TRPM6: variants seen among roughly 807,000 people sequenced by gnomAD.
TRPM6 encodes channel kinase 2.
TRPM6 carries 111 observed loss-of-function variants against 247.6 expected under a neutral mutation model. The observed-to-expected ratio is 0.45, with a 90% CI of 0.38 to 0.52. The LOEUF (loss-of-function observed/expected upper bound fraction) is 0.52. Among genes scored for constraint, TRPM6 ranks in the 20% least tolerant of loss-of-function variants. The pLI is 0.00. For synonymous variants in TRPM6, 892 were observed against 853.8 expected (o/e 1.04, Z -0.78); for missense variants, 2,126 against 2,421.5 (o/e 0.88, Z 2.56).
chr9:74,836,298 C>T (rs769014841), intron 5 of TRPM6, among the ~76,000 whole-genome samples: 3 of 152,172 alleles, frequency 2.0e-5, no homozygotes, highest in Non-Finnish European at 2.9e-5. Flanking sequence ...TCTTCCTATT[C>T]TTCCTATGTG....
chr9:74,862,759 G>T (rs892190036), intron 1 of TRPM6, among the ~76,000 whole-genome samples: 35 of 152,216 alleles, frequency 2.3e-4, no homozygotes, highest in Middle Eastern at 3.4e-3. Flanking sequence ...AGGCGAGCAA[G>T]TCACTTGAGG....
At chr9:74,789,475 ATCT>A (rs1827817540) in intron 19 of TRPM6, among the ~76,000 whole-genome samples, 1 of 152,206 alleles carries the variant, frequency 6.6e-6, no homozygotes, top group Admixed American at 6.5e-5. Context: ...TAATATTCTT[ATCT>A]TCTTAAGATA....
chr9:74,833,552 G>A (rs987248872), intron 6 of TRPM6, among the ~76,000 whole-genome samples: 2 of 152,142 alleles, frequency 1.3e-5, no homozygotes, highest in Admixed American at 6.6e-5. Flanking sequence ...GAGGAATGGC[G>A]TGATCTGATT....
intron 6 of TRPM6, among the ~76,000 whole-genome samples, chr9:74,832,862 C>A (rs1043206384): frequency 2.6e-5 from 4 of 152,076 alleles, no homozygotes; most frequent in African/African-American, 9.7e-5. Context: ...ACCAGCCTAG[C>A]CAACATGGTG....
At chr9:74,887,552 T>G in intron 1 of TRPM6, 1 of 1,419,210 alleles carries the variant, frequency 7.0e-7, no homozygotes, top group Non-Finnish European at 9.6e-7. Context: ...GTTTCCGCTC[T>G]GACACCACCT....
Position 74,812,340 on chromosome 9 carries a change from G to A in TRPM6, c.1402C>T (p.Arg468Cys), listed in dbSNP as rs760386770. The A allele has an allele frequency of 2.1e-5, 34 of 1,613,388 alleles. No homozygotes were observed. The highest frequency in any genetic ancestry group is 8.9e-5 in the East Asian group (4 of 44,876). Reference sequence around the variant, plus strand: ...TCCAGTCGAGGGATGGTAAGAAAGCGATGGAGGTTCACTCCATATTCTATT... The same window carrying A: ...TCCAGTCGAGGGATGGTAAGAAAGCAATGGAGGTTCACTCCATATTCTATT... Reference protein sequence around the residue: ...LLIEYGVNLHRFLTIPRLEEL... With the variant: ...LLIEYGVNLHCFLTIPRLEEL... Residue 468 changes from arginine to cysteine, a missense_variant, in exon 12 of 39, where the codon CGC becomes TGC. Arg to Cys is a radical substitution (Grantham distance 180). Transcript: ENST00000360774.
intron 1 of TRPM6, among the ~76,000 whole-genome samples, chr9:74,859,674 T>C (rs1172448105): frequency 6.6e-6 from 1 of 151,244 alleles, no homozygotes; most frequent in African/African-American, 2.4e-5. Context: ...CTCAGGAGGC[T>C]GAGGCATGAG....
At chr9:74,887,690 A>C in intron 1 of TRPM6, 134 bp downstream of exon 1, 1 of 1,608,254 alleles carries the variant, frequency 6.2e-7, no homozygotes, top group African/African-American at 1.3e-5. Flanking sequence ...GGTATTTCAT[A>C]AATCCTAGCT....
chr9:74,796,618 G>T lies in TRPM6; in HGVS notation c.2391+123C>A, dbSNP rs938382215. 3.8e-5 allele frequency: 36 copies of T among 956,522 alleles called. No homozygotes were observed. The African/African-American group carries it at 3.9e-4, about 10-fold the overall frequency. 59.3% of individuals were successfully genotyped at this position (956,522 alleles called of 1,614,324 possible). On this transcript the variant is annotated intron_variant, in intron 18 of 38. Transcript: ENST00000360774. ...ACCCCAGGACCATATGTCATCACAG[G>T]CCTGAAATATAGGCAACATAACTTT...
At chr9:74,879,598 G>C (rs1007676868) in intron 1 of TRPM6, among the ~76,000 whole-genome samples, 1 of 151,988 alleles carries the variant, frequency 6.6e-6, no homozygotes, top group African/African-American at 2.4e-5. Flanking sequence ...TTCCCAGAGA[G>C]GGTCCCACCC....
intron 24 of TRPM6, 114 bp from the exon 25 acceptor site, chr9:74,771,949 T>A: frequency 2.0e-6 from 2 of 977,146 alleles, no homozygotes; most frequent in Non-Finnish European, 3.2e-6. Flanking sequence ...GATAAGTTTG[T>A]CACCTTGTCA....
intron 17 of TRPM6, among the ~76,000 whole-genome samples, chr9:74,799,124 A>G (rs1828209603): frequency 1.3e-5 from 2 of 152,108 alleles, no homozygotes; most frequent in South Asian, 2.1e-4. Flanking sequence ...ATTGTTTCTG[A>G]TATTTTCTTT....
At chr9:74,726,325 T>C (rs2118665385) in intron 38 of TRPM6, among the ~76,000 whole-genome samples, 1 of 152,118 alleles carries the variant, frequency 6.6e-6, no homozygotes, top group Admixed American at 6.5e-5. Flanking sequence ...GGCTGGCCGA[T>C]GTGGTGAAAC....
chr9:74,773,761 C>CA lies in TRPM6; in HGVS notation c.3404-1927dup, dbSNP rs1315215679. Among the ~76,000 whole-genome samples the CA allele has an allele frequency of 4.6e-5, 7 of 152,102 alleles. No homozygotes were observed. The East Asian group carries it at 9.6e-4, about 21-fold the overall frequency. Reference sequence around the variant, plus strand: ...CATTATTTTCTGTTAAAATTAATGACAAAAAATCTGAATTTTAAATTGAAA... The same window carrying CA: ...CATTATTTTCTGTTAAAATTAATGACAAAAAAATCTGAATTTTAAATTGAAA... On this transcript the variant is annotated intron_variant, in intron 24 of 38. Transcript: ENST00000360774.
chr9:74,853,853 A>G (rs1012526684), intron 3 of TRPM6, among the ~76,000 whole-genome samples: 1 of 152,202 alleles, frequency 6.6e-6, no homozygotes, highest in African/African-American at 2.4e-5. Flanking sequence ...AGAATGATCA[A>G]TAAATACTAA....
At chr9:74,755,560 C>A in intron 27 of TRPM6, 87 bp from the exon 28 acceptor site, 1 of 1,544,374 alleles carries the variant, frequency 6.5e-7, no homozygotes, top group Non-Finnish European at 8.9e-7. Context: ...TGGTGAAGGG[C>A]AGTGTCTGTT....
intron 17 of TRPM6, among the ~76,000 whole-genome samples, chr9:74,798,138 C>A (rs1423335166): frequency 6.6e-6 from 1 of 152,106 alleles, no homozygotes; most frequent in Non-Finnish European, 1.5e-5. Flanking sequence ...TTGATGAACA[C>A]TACTTCTTTC....
At chr9:74,738,285 A>G (rs914859258) in intron 36 of TRPM6, 122 bp downstream of exon 36, 1 of 957,594 alleles carries the variant, frequency 1.0e-6, no homozygotes, top group Non-Finnish European at 1.7e-6. Flanking sequence ...TCTGAAATAA[A>G]TGTGCCCACC....
chr9:74,728,230 G>C lies in TRPM6; in HGVS notation c.5935+9C>G. 6.2e-7 allele frequency: 1 copy of C among 1,601,746 alleles called. No homozygotes were observed. Among genetic ancestry groups the C allele is most frequent in the East Asian group, 2.2e-5 (1 of 44,814 alleles). ...TTACTTAGAGAAAAAAGAACTGTTA[G>C]TGGCATACCCGGGAGTTTGAGCTTC... is the stretch of plus-strand genomic sequence containing the variant. On this transcript the variant is annotated intron_variant, in intron 38 of 38. Coordinates refer to ENST00000360774, the MANE Select transcript of TRPM6 (RefSeq NM_017662.5).
Sources: gnomAD v4.1 joint callset for allele counts (sites outside exome capture counted in the v4.1 genomes callset) on GRCh38, gnomAD v4.1.1 for gene constraint, MANE v1.5 for transcripts, NCBI Gene and HGNC (gene_info 2026-07-23, HGNC 2026-07-21) for gene names.